Variants in RXFP2 observed in about 807,000 individuals in gnomAD.
RXFP2 encodes the protein relaxin family peptide receptor 2, also known as relaxin receptor 2.
In RXFP2, 68 loss-of-function variants were observed where a neutral mutation model predicts 88.6. The ratio of observed to expected loss-of-function variants is 0.77; its 90% CI spans 0.63 to 0.94. The LOEUF (loss-of-function observed/expected upper bound fraction) is 0.94, where lower values mean the gene tolerates loss of function less well. Ranked by LOEUF, RXFP2 falls within the 40% of genes least tolerant of loss-of-function variation. The pLI is 0.00. For synonymous variants in RXFP2, 329 were observed against 306.8 expected, an observed-to-expected ratio of 1.07 and a Z score of -0.76; for missense variants, 791 against 893.9, an observed-to-expected ratio of 0.88 and a Z score of 1.47.
intron 5 of RXFP2, among the ~76,000 whole-genome samples, chr13:31,770,269 T>C (rs1194036041): frequency 2.0e-5 from 3 of 152,226 alleles, no homozygotes; most frequent in African/African-American, 4.8e-5. Flanking sequence ...CTACAGCTTG[T>C]GAAACCAACT....
intron 13 of RXFP2, among the ~76,000 whole-genome samples, chr13:31,786,916 A>G (rs1873573270): frequency 6.6e-6 from 1 of 152,256 alleles, no homozygotes; most frequent in Non-Finnish European, 1.5e-5. Context: ...TTCACAAAGA[A>G]TTAAATTTGC....
chr13:31,790,997 T>C (rs565327108), intron 14 of RXFP2, among the ~76,000 whole-genome samples: 5 of 152,074 alleles, frequency 3.3e-5, no homozygotes, highest in Non-Finnish European at 7.4e-5. Context: ...GTCTAGAAAC[T>C]GAATTGAGAA....
chr13:31,762,409 T>C (rs765115197), intron 3 of RXFP2, among the ~76,000 whole-genome samples: 3 of 152,202 alleles, frequency 2.0e-5, no homozygotes, highest in Non-Finnish European at 4.4e-5. Flanking sequence ...GGTCAGAAGA[T>C]GCGCAGCAGG....
In RXFP2 at chr13:31,792,045, T is replaced by C; in HGVS notation, c.1375+10T>C. On this transcript the variant is annotated intron_variant, in intron 15 of 17. Transcript: ENST00000298386. Reference sequence around the variant, plus strand: ...ATCAAAATCCTTTGTTGTAAGTATGTTTCCAGTATAAGTAGATTAAGGATA... The same window carrying C: ...ATCAAAATCCTTTGTTGTAAGTATGCTTCCAGTATAAGTAGATTAAGGATA... 2 of 1,575,226 alleles carry C rather than the reference T, an allele frequency of 1.3e-6. No homozygotes were observed. The highest frequency in any genetic ancestry group is 8.7e-7 in the Non-Finnish European group (1 of 1,144,622).
chr13:31,766,364 A>G (rs1434986715), intron 5 of RXFP2, among the ~76,000 whole-genome samples: 1 of 152,202 alleles, frequency 6.6e-6, no homozygotes, highest in Non-Finnish European at 1.5e-5. Flanking sequence ...TGAAAAAAAA[A>G]GAGTGACAGC....
At chr13:31,780,250 A>C (rs1194742109) in intron 9 of RXFP2, among the ~76,000 whole-genome samples, 1 of 152,190 alleles carries the variant, frequency 6.6e-6, no homozygotes, top group Non-Finnish European at 1.5e-5. Context: ...TTCAACACAG[A>C]GGGTAGGAAG....
At chr13:31,795,803 A>G (rs1259012872) in intron 16 of RXFP2, among the ~76,000 whole-genome samples, 2 of 152,174 alleles carry the variant, frequency 1.3e-5, no homozygotes, top group African/African-American at 4.8e-5. Flanking sequence ...TTTTAGCGAC[A>G]GCAAGAATAA....
chr13:31,790,258 C>T lies in RXFP2; in HGVS notation c.1145+1065C>T, dbSNP rs777303090. Among the ~76,000 whole-genome samples the T allele has an allele frequency of 3.5e-4, 54 of 152,132 alleles. 1 individual carries two copies. Among genetic ancestry groups the T allele is most frequent in the Non-Finnish European group, 5.9e-4 (40 of 68,010 alleles). On this transcript the variant is annotated intron_variant, in intron 14 of 17. Transcript: ENST00000298386. Reference sequence around the variant, plus strand: ...CACCTGACAACGAGTAGTGTGGTCACAGCGCAAGGGGGCCCTGAACCACTG... The same window carrying T: ...CACCTGACAACGAGTAGTGTGGTCATAGCGCAAGGGGGCCCTGAACCACTG...
At chr13:31,795,219 G>T (rs1173164372) in intron 16 of RXFP2, among the ~76,000 whole-genome samples, 1 of 150,442 alleles carries the variant, frequency 6.6e-6, no homozygotes, top group African/African-American at 2.5e-5. Context: ...GCGCCATCTC[G>T]GCTCCCTGCA....
intron 2 of RXFP2, among the ~76,000 whole-genome samples, chr13:31,759,097 T>C (rs1449700654): frequency 1.3e-5 from 2 of 150,804 alleles, no homozygotes; most frequent in Non-Finnish European, 2.9e-5. Flanking sequence ...AAAGAATTAA[T>C]TGATAGAACA....
chr13:31,789,651 A>G (rs1593469100), intron 14 of RXFP2, among the ~76,000 whole-genome samples: 1 of 152,228 alleles, frequency 6.6e-6, no homozygotes, highest in African/African-American at 2.4e-5. Flanking sequence ...GTAGTTTTTG[A>G]TAAGTCACTT....
intron 2 of RXFP2, among the ~76,000 whole-genome samples, chr13:31,759,959 C>G (rs935225270): frequency 6.6e-6 from 1 of 152,118 alleles, no homozygotes; most frequent in Non-Finnish European, 1.5e-5. Context: ...CTTCCCTGGC[C>G]CCCCTGAAGC....
chr13:31,789,094 C>T (rs371637505), intron 13 of RXFP2, 28 bp from the exon 14 acceptor site: 2 of 1,402,288 alleles, frequency 1.4e-6, no homozygotes, highest in Non-Finnish European at 2.0e-6. Context: ...ATCTCAACAC[C>T]ATTAAACCTA....
At chr13:31,757,733 G>C (rs1324118392) in intron 1 of RXFP2, among the ~76,000 whole-genome samples, 1 of 152,196 alleles carries the variant, frequency 6.6e-6, no homozygotes, top group African/African-American at 2.4e-5. Context: ...TTGTGGAAGT[G>C]AATTCAAAAT....
intron 1 of RXFP2, among the ~76,000 whole-genome samples, chr13:31,745,483 G>A (rs1038188501): frequency 6.6e-6 from 1 of 152,158 alleles, no homozygotes; most frequent in Non-Finnish European, 1.5e-5. Context: ...CATACCCCAT[G>A]CTTTGTCAGG....
intron 14 of RXFP2, among the ~76,000 whole-genome samples, chr13:31,790,575 G>A (rs559401741): frequency 9.3e-4 from 142 of 152,312 alleles, no homozygotes; most frequent in Middle Eastern, 3.4e-3. Flanking sequence ...CAGGCACTGC[G>A]TTAGACACCA....
intron 3 of RXFP2, among the ~76,000 whole-genome samples, chr13:31,763,772 G>A (rs917739631): frequency 1.3e-4 from 20 of 152,118 alleles, no homozygotes; most frequent in Non-Finnish European, 2.9e-4. Context: ...TATTCTATTG[G>A]TAAATAAGTT....
chr13:31,741,665 GAATGAGTGATTGCCTT>G (rs374445405), intron 1 of RXFP2, among the ~76,000 whole-genome samples: 80 of 152,242 alleles, frequency 5.3e-4, no homozygotes, highest in African/African-American at 1.8e-3. Flanking sequence ...AGTGCCTAAG[GAATGAGTGATTGCCTT>G]AAGCTACAGG....
chr13:31,743,887 C>T (rs989711818), intron 1 of RXFP2, among the ~76,000 whole-genome samples: 2 of 152,090 alleles, frequency 1.3e-5, no homozygotes, highest in African/African-American at 2.4e-5. Context: ...ATCCCATTCT[C>T]GGTAACTCTC....
Sources: gnomAD v4.1 joint callset for allele counts (sites outside exome capture counted in the v4.1 genomes callset) on GRCh38, gnomAD v4.1.1 for gene constraint, MANE v1.5 for transcripts, NCBI Gene and HGNC (gene_info 2026-07-23, HGNC 2026-07-21) for gene names.